The following TDRD15 variants were observed in gnomAD, a reference collection of about 807,000 sequenced individuals.
The protein encoded by TDRD15 is tudor domain-containing protein 15.
For missense variants in TDRD15, 1,416 were observed against 904.7 expected (o/e 1.57, Z -7.25); for synonymous variants, 503 against 314.5 (o/e 1.60, Z -6.34).
intron 1 of TDRD15, among the ~76,000 whole-genome samples, chr2:21,126,793 A>T (rs934472390): frequency 6.6e-6 from 1 of 152,200 alleles, no homozygotes; most frequent in African/African-American, 2.4e-5. Flanking sequence ...AAGTTTTTGT[A>T]TGGACATATA....
chr2:21,138,936 A>G lies in TDRD15; in HGVS notation c.1469A>G (p.Tyr490Cys), dbSNP rs1281323347. 2 of 715,162 alleles carry G rather than the reference A, an allele frequency of 2.8e-6. No homozygotes were observed. The highest frequency in any genetic ancestry group is 3.0e-5 in the South Asian group (2 of 67,346). 44.3% of individuals were successfully genotyped at this position (715,162 alleles called of 1,614,324 possible). Residue 490 changes from tyrosine to cysteine, a missense_variant, in exon 4 of 4, where the codon TAT becomes TGT. Tyr to Cys is a radical substitution (Grantham distance 194). Transcript: ENST00000405799. ...GCTGCCTACATAGCTTTTATAGCATATGTATTAAACCCATCAAATTTCTGG... is the reference window on the plus strand; with the variant it reads ...GCTGCCTACATAGCTTTTATAGCATGTGTATTAAACCCATCAAATTTCTGG... ...IEAAYIAFIA[Y>C]VLNPSNFWVR...
rs977181384 is a variant in TDRD15 at position 21,141,613 on chromosome 2, C to T, written c.4146C>T (p.Asn1382=). Residue 1382 remains asparagine, a synonymous_variant, in exon 4 of 4, where the codon AAC becomes AAT. Coordinates refer to ENST00000405799, the MANE Select transcript of TDRD15 (RefSeq NM_001306137.2). ...SFEVEFIDYG[N]SAIVNTSKIY... ...AAGTAGAATTTATTGACTATGGTAA[C>T]TCTGCAATAGTAAACACATCTAAAA... is the stretch of plus-strand genomic sequence containing the variant. 6 of 713,870 alleles carry T rather than the reference C, an allele frequency of 8.4e-6. No homozygotes were observed. The African/African-American group carries it at 8.8e-5, about 10-fold the overall frequency. 44.2% of individuals were successfully genotyped at this position (713,870 alleles called of 1,614,324 possible).
At chr2:21,125,478 T>A (rs1665568810) in intron 1 of TDRD15, among the ~76,000 whole-genome samples, 1 of 151,042 alleles carries the variant, frequency 6.6e-6, no homozygotes, top group African/African-American at 2.4e-5. Flanking sequence ...TGCCAAGTTG[T>A]GTGTGAGTTG....
intron 3 of TDRD15, among the ~76,000 whole-genome samples, chr2:21,135,708 C>G (rs1354150235): frequency 1.3e-5 from 2 of 151,976 alleles, no homozygotes; most frequent in Non-Finnish European, 2.9e-5. Context: ...TACCCCCATT[C>G]CCACCCCCAC....
Position 21,141,375 on chromosome 2 carries a change from A to G in TDRD15, c.3908A>G (p.Asn1303Ser), listed in dbSNP as rs1364146096. The change falls in exon 4 of 4, where the codon AAT becomes AGT. Residue 1303 changes from asparagine to serine, a missense_variant. Asn to Ser is a conservative substitution (Grantham distance 46). Coordinates refer to ENST00000405799, the MANE Select transcript of TDRD15 (RefSeq NM_001306137.2). ...LNAKVKGYVS[N>S]ISNPANFHIQ... ...GCCAAAGTTAAAGGGTATGTATCTAATATCAGTAATCCAGCGAATTTCCAT... is the reference window on the plus strand; with the variant it reads ...GCCAAAGTTAAAGGGTATGTATCTAGTATCAGTAATCCAGCGAATTTCCAT... 9.8e-6 allele frequency: 7 copies of G among 714,974 alleles called. No homozygotes were observed. The South Asian group carries it at 1.0e-4, about 11-fold the overall frequency. The allele number at this position is 714,974 out of a possible 1,614,324, so 44.3% of individuals were successfully genotyped here.
chr2:21,133,784 C>T lies in TDRD15; in HGVS notation c.-89-978C>T, dbSNP rs1484409174. Reference sequence around the variant, plus strand: ...GACCTGTACATTGAAATACTGTAGTCACTAACCACATATAGCTATTGAGCA... The same window carrying T: ...GACCTGTACATTGAAATACTGTAGTTACTAACCACATATAGCTATTGAGCA... On this transcript the variant is annotated intron_variant, in intron 2 of 3. Transcript: ENST00000405799. Among the ~76,000 whole-genome samples the T allele has an allele frequency of 2.6e-5, 4 of 152,166 alleles. No homozygotes were observed. The East Asian group carries it at 5.8e-4, about 22-fold the overall frequency.
rs1461888920 is a variant in TDRD15, at chr2:21,143,720, G to A, written c.*448G>A. Among the ~76,000 whole-genome samples, 1 of 151,680 alleles carries A rather than the reference G, an allele frequency of 6.6e-6. No homozygotes were observed. Reference sequence around the variant, plus strand: ...TTTATAAAGTAGATTATTTTCTGTAGATTCTTTTTATTTGATTCTTTAAAA... The same window carrying A: ...TTTATAAAGTAGATTATTTTCTGTAAATTCTTTTTATTTGATTCTTTAAAA... On this transcript the variant is annotated 3_prime_UTR_variant, in exon 4 of 4. Transcript: ENST00000405799.
chr2:21,140,677 G>A lies in TDRD15; in HGVS notation c.3210G>A (p.Leu1070=). The A allele has an allele frequency of 1.4e-6, 1 of 714,904 alleles. No individual in the cohort carries two copies. Among genetic ancestry groups the A allele is most frequent in the East Asian group, 2.7e-5 (1 of 37,206 alleles). The allele number at this position is 714,904 out of a possible 1,614,324, so 44.3% of individuals were successfully genotyped here. Residue 1070 remains leucine (L), a synonymous_variant, in exon 4 of 4, where the codon TTG becomes TTA. Coordinates refer to ENST00000405799, the MANE Select transcript of TDRD15 (RefSeq NM_001306137.2). ...LRAISAQFPE[L]LFTPMQAIKC... Reference sequence around the variant, plus strand: ...CCATTTCAGCTCAGTTTCCAGAGTTGTTGTTTACACCTATGCAAGCTATTA... The same window carrying A: ...CCATTTCAGCTCAGTTTCCAGAGTTATTGTTTACACCTATGCAAGCTATTA...
chr2:21,135,011 A>G (rs1256077240), intron 3 of TDRD15, among the ~76,000 whole-genome samples, 164 bp downstream of exon 3: 1 of 146,938 alleles, frequency 6.8e-6, no homozygotes, highest in East Asian at 2.0e-4. Context: ...TTGTATTTAT[A>G]TATAAATTGT....
chr2:21,141,103 A>G lies in TDRD15; in HGVS notation c.3636A>G (p.Ser1212=). Residue 1212 remains serine (S), a synonymous_variant, in exon 4 of 4, where the codon TCA becomes TCG. Transcript: ENST00000405799. ...KNIHARFLKP[S]VCYKMEPVSK... ...TACATGCCAGGTTTTTGAAGCCATC[A>G]GTTTGTTATAAAATGGAACCTGTGT... 1 of 707,254 alleles carries G rather than the reference A, an allele frequency of 1.4e-6. No homozygotes were observed. The highest frequency in any genetic ancestry group is 2.6e-6 in the Non-Finnish European group (1 of 381,896). 43.8% of individuals were successfully genotyped at this position (707,254 alleles called of 1,614,324 possible).
chr2:21,144,890 T>A (rs1053939746), downstream of TDRD15, among the ~76,000 whole-genome samples: 17 of 151,962 alleles, frequency 1.1e-4, no homozygotes, highest in African/African-American at 9.7e-5. Context: ...TTATTTAGAC[T>A]TACACAGACG....
At chr2:21,125,324 A>G (rs1394948553) in intron 1 of TDRD15, among the ~76,000 whole-genome samples, 2 of 151,094 alleles carry the variant, frequency 1.3e-5, no homozygotes, top group Non-Finnish European at 2.9e-5. Context: ...TGAGAAAGAG[A>G]TTGTAATGCC....
intron 2 of TDRD15, among the ~76,000 whole-genome samples, chr2:21,128,134 C>T (rs530756147): frequency 6.6e-6 from 1 of 152,226 alleles, no homozygotes; most frequent in South Asian, 2.1e-4. Context: ...AACTTTCATT[C>T]TCCACGTATT....
Position 21,140,640 on chromosome 2 carries a change from A to C in TDRD15, c.3173A>C (p.Asn1058Thr), listed in dbSNP as rs1207631392. The change falls in exon 4 of 4, where the codon AAT becomes ACT. Residue 1058 changes from asparagine to threonine, a missense_variant. By Grantham distance (65) the Asn-to-Thr change is moderately conservative (BLOSUM62 0). Coordinates refer to ENST00000405799, the MANE Select transcript of TDRD15 (RefSeq NM_001306137.2). ...GGAAATAAGCAATTAGTAGGAGAAA[A>C]TATGTTGAGGGCCATTTCAGCTCAG... The part of the protein sequence containing the change: ...DFGNKQLVGE[N>T]MLRAISAQFP... 1 of 715,352 alleles carries C rather than the reference A, an allele frequency of 1.4e-6. No homozygotes were observed. Among genetic ancestry groups the C allele is most frequent in the South Asian group, 1.5e-5 (1 of 67,480 alleles). The allele number at this position is 715,352 out of a possible 1,614,324, so 44.3% of individuals were successfully genotyped here. A position where few individuals can be genotyped will look rare whatever the true frequency, so the allele number is the denominator to read the frequency against.
At chr2:21,137,434 A>G (rs1263347707) in intron 3 of TDRD15, 31 bp from the exon 4 acceptor site, 6 of 585,940 alleles carry the variant, frequency 1.0e-5, no homozygotes, top group South Asian at 4.8e-5. Context: ...TAACTTTGAT[A>G]GCTAATGAGT....
At chr2:21,124,136 A>AG (rs1475030337) in intron 1 of TDRD15, 90 bp downstream of exon 1, 1 of 152,724 alleles carries the variant, frequency 6.5e-6, no homozygotes, top group Non-Finnish European at 1.5e-5. Flanking sequence ...TCCGACCTAC[A>AG]GGGGCTTTGG....
intron 2 of TDRD15, among the ~76,000 whole-genome samples, chr2:21,134,408 G>A (rs1665770978): frequency 1.3e-5 from 2 of 151,946 alleles, no homozygotes; most frequent in South Asian, 2.1e-4. Flanking sequence ...TTTAAGTTGT[G>A]GCTATCCCAT....
downstream of TDRD15, among the ~76,000 whole-genome samples, chr2:21,146,783 A>G (rs1422531826): frequency 2.0e-5 from 3 of 152,148 alleles, no homozygotes; most frequent in African/African-American, 7.2e-5. Flanking sequence ...CCAGAGGAGA[A>G]TGGCTGATAG....
intron 2 of TDRD15, among the ~76,000 whole-genome samples, chr2:21,134,043 T>G (rs971994772): frequency 6.6e-6 from 1 of 151,940 alleles, no homozygotes; most frequent in Non-Finnish European, 1.5e-5. Context: ...ATGGCTCAAT[T>G]GTGTTTCTAG....
Sources: gnomAD v4.1 joint callset for allele counts (sites outside exome capture counted in the v4.1 genomes callset) on GRCh38, gnomAD v4.1.1 for gene constraint, MANE v1.5 for transcripts, NCBI Gene and HGNC (gene_info 2026-07-23, HGNC 2026-07-21) for gene names.